The following ABL1 variants were observed in gnomAD, a reference collection of about 807,000 sequenced individuals.
ABL1 encodes tyrosine-protein kinase ABL1.
A neutral mutation model predicts 94.7 loss-of-function variants in ABL1; 11 were observed. That is an observed-to-expected ratio of 0.12 (90% CI 0.07 to 0.19). ABL1 has a LOEUF of 0.19. Ranked by LOEUF, ABL1 falls within the 10% of genes least tolerant of loss-of-function variation. The pLI is 1.00. For synonymous variants in ABL1, 656 were observed against 622.4 expected, an observed-to-expected ratio of 1.05 and a Z score of -0.80; for missense variants, 1,082 against 1,489.4, an observed-to-expected ratio of 0.73 and a Z score of 4.50.
At chr9:130,796,261 G>A (rs923349238) in intron 1 of ABL1, among the ~76,000 whole-genome samples, 3 of 152,192 alleles carry the variant, frequency 2.0e-5, no homozygotes, top group Non-Finnish European at 4.4e-5. Flanking sequence ...CATAGCTCAT[G>A]CCTATAATCC....
chr9:130,854,402 G>A (rs1222638060), intron 2 of ABL1, among the ~76,000 whole-genome samples, 165 bp downstream of exon 2: 4 of 152,188 alleles, frequency 2.6e-5, no homozygotes, highest in African/African-American at 9.7e-5. Context: ...ACTCTCCTTA[G>A]AGGAGTTCTT....
chr9:130,798,565 C>T (rs999412740), intron 1 of ABL1, among the ~76,000 whole-genome samples: 2 of 152,270 alleles, frequency 1.3e-5, no homozygotes, highest in Middle Eastern at 3.4e-3. Context: ...GGTTTCTCAT[C>T]TGGATGAAAT....
At chr9:130,744,528 C>G (rs974944907) in intron 1 of ABL1, among the ~76,000 whole-genome samples, 3 of 151,318 alleles carry the variant, frequency 2.0e-5, no homozygotes, top group African/African-American at 7.3e-5. Context: ...CTTTTATAAG[C>G]CAGAATTTGT....
chr9:130,750,422 TCCC>T (rs1564278784), intron 1 of ABL1, among the ~76,000 whole-genome samples: 26,045 of 76,704 alleles, frequency 0.34, 6,032 homozygotes, highest in East Asian at 0.66. Context: ...CCTCCCTCCC[TCCC>T]TCCCTCCCTC....
chr9:130,805,556 C>G (rs1192255920), intron 1 of ABL1, among the ~76,000 whole-genome samples: 1 of 151,952 alleles, frequency 6.6e-6, no homozygotes, highest in Admixed American at 6.6e-5. Context: ...CAAAGTTTCC[C>G]AAGAAAAGAG....
intron 1 of ABL1, among the ~76,000 whole-genome samples, chr9:130,783,815 C>T (rs1329606559): frequency 6.6e-6 from 1 of 152,066 alleles, no homozygotes; most frequent in Non-Finnish European, 1.5e-5. Context: ...ATCACCACGC[C>T]CAGCTAATTT....
At position 130,854,045 on chromosome 9, in the gene ABL1, T is replaced by G. The variant is rs1341670307; in HGVS notation, c.80-19T>G. On this transcript the variant is annotated intron_variant, in intron 1 of 10. Transcript: ENST00000318560. Reference sequence around the variant, plus strand: ...TTCTCTTCCTTTTTCTTTTTTCTGTTCCCCCCTTTCTCTTCCAGAAGCCCT... The same window carrying G: ...TTCTCTTCCTTTTTCTTTTTTCTGTGCCCCCCTTTCTCTTCCAGAAGCCCT... 6.4e-7 allele frequency: 1 copy of G among 1,569,834 alleles called. No individual in the cohort carries two copies. The highest frequency in any genetic ancestry group is 2.3e-5 in the East Asian group (1 of 44,406).
chr9:130,733,907 T>C (rs991942610), intron 1 of ABL1, among the ~76,000 whole-genome samples: 6 of 152,180 alleles, frequency 3.9e-5, no homozygotes, highest in African/African-American at 1.4e-4. Context: ...CACTTTCATA[T>C]ACTTTTTTGT....
At chr9:130,779,941 A>G (rs983571313) in intron 1 of ABL1, among the ~76,000 whole-genome samples, 4 of 152,164 alleles carry the variant, frequency 2.6e-5, no homozygotes, top group Non-Finnish European at 5.9e-5. Flanking sequence ...TTCAGGCACC[A>G]TGGATGCCTT....
intron 1 of ABL1, among the ~76,000 whole-genome samples, chr9:130,802,095 CTTT>C (rs3085157): frequency 2.7e-4 from 35 of 132,064 alleles, no homozygotes; most frequent in African/African-American, 1.0e-3. Flanking sequence ...TTCCTTCAGT[CTTT>C]TTTTTTTTTT....
At position 130,835,503 on chromosome 9, in the gene ABL1, G is replaced by C. The variant is rs373323350; in HGVS notation, c.57G>C (p.Ser19=). 2 of 1,561,664 alleles carry C rather than the reference G, an allele frequency of 1.3e-6. No individual in the cohort carries two copies. The highest frequency in any genetic ancestry group is 3.9e-5 in the Admixed American group (2 of 51,612). ...GCAAATCCAAGAAGGGGCTGTCCTC[G>C]TCCTCCAGCTGTTATCTGGAAGGTA... is the stretch of plus-strand genomic sequence containing the variant. The part of the protein sequence containing the change: ...VGCKSKKGLS[S]SSSCYLEEAL... Residue 19 remains serine, a synonymous_variant, in exon 1 of 11, where the codon TCG becomes TCC. Transcript: ENST00000318560. This position sits in a 1 kb window ranked among gnomAD's most constrained non-coding sequence, Gnocchi z 4.6.
At chr9:130,809,429 T>G (rs1370065904) in intron 1 of ABL1, among the ~76,000 whole-genome samples, 1 of 151,020 alleles carries the variant, frequency 6.6e-6, no homozygotes, top group African/African-American at 2.5e-5. Context: ...TGTGTGTGTG[T>G]GTGTGTGTGT....
intron 1 of ABL1, among the ~76,000 whole-genome samples, chr9:130,716,764 C>T (rs7028507): frequency 0.28 from 42,412 of 150,696 alleles, 8,603 homozygotes; most frequent in African/African-American, 0.54. Flanking sequence ...TTTTTTTCCT[C>T]TTCGGGGTAG....
chr9:130,744,683 T>G (rs1221797967), intron 1 of ABL1, among the ~76,000 whole-genome samples: 21 of 149,850 alleles, frequency 1.4e-4, no homozygotes, highest in African/African-American at 5.1e-4. Flanking sequence ...AAATGCCATC[T>G]CTACTAAAAA....
At position 130,880,374 on chromosome 9, in the gene ABL1, G is replaced by T. The variant is rs145125975; in HGVS notation, c.1514-126G>T. 8.2e-7 allele frequency: 1 copy of T among 1,213,064 alleles called. No homozygotes were observed. The highest frequency in any genetic ancestry group is 1.2e-6 in the Non-Finnish European group (1 of 861,310). 75.1% of individuals were successfully genotyped at this position (1,213,064 alleles called of 1,614,324 possible). ...TAAGGGCTGTTTCTCCGGTATCCAC[G>T]TGCCTTTTCTTTAGTTGTATGCAGA... On this transcript the variant is annotated intron_variant, in intron 9 of 10. Coordinates refer to ENST00000318560, the MANE Select transcript of ABL1 (RefSeq NM_005157.6). The surrounding 1 kb of genome is among the most constrained non-coding windows in gnomAD (Gnocchi z 4.4).
chr9:130,734,523 CTTT>C (rs1381752821), intron 1 of ABL1, among the ~76,000 whole-genome samples: 9 of 112,518 alleles, frequency 8.0e-5, no homozygotes, highest in Non-Finnish European at 1.1e-4. Context: ...CCTGAATCTT[CTTT>C]TTTTTTTTTT....
At chr9:130,878,088 C>T (rs1831383217) in intron 7 of ABL1, among the ~76,000 whole-genome samples, 2 of 152,194 alleles carry the variant, frequency 1.3e-5, no homozygotes, top group Non-Finnish European at 2.9e-5. Flanking sequence ...GCTGGGATTA[C>T]AGGTGTGAGC....
rs1221077295 is a variant in ABL1 at position 130,862,879 on chromosome 9, G to A, written c.666G>A (p.Lys222=). ...ATTATCCAGCCCCAAAGCGCAACAA[G>A]CCCACTGTCTATGGTGTGTCCCCCA... The part of the protein sequence containing the change: ...TLHYPAPKRN[K]PTVYGVSPNY... The change falls in exon 4 of 11, where the codon AAG becomes AAA. Residue 222 remains lysine, a synonymous_variant. Transcript: ENST00000318560. This position sits in a 1 kb window ranked among gnomAD's most constrained non-coding sequence, Gnocchi z 5.5. The A allele has an allele frequency of 9.3e-6, 15 of 1,614,034 alleles. No individual in the cohort carries two copies. Among genetic ancestry groups the A allele is most frequent in the African/African-American group, 1.3e-5 (1 of 74,912 alleles).
rs1336603476 is a variant in ABL1 at position 130,880,112 on chromosome 9, C to T, written c.1468C>T (p.His490Tyr). 6.2e-7 allele frequency: 1 copy of T among 1,614,186 alleles called. No individual in the cohort carries two copies. Among genetic ancestry groups the T allele is most frequent in the East Asian group, 2.2e-5 (1 of 44,870 alleles). ...PSDRPSFAEI[H>Y]QAFETMFQES... ...TGACCGGCCCTCCTTTGCTGAAATC[C>T]ACCAAGCCTTTGAAACAATGTTCCA... The change falls in exon 9 of 11, where the codon CAC becomes TAC. Residue 490 changes from histidine (H) to tyrosine (Y), a missense_variant. Around this residue, in one of 7 missense-constraint regions of ABL1, gnomAD observed 76 missense variants for 177.1 expected, o/e 0.43. Transcript: ENST00000318560. This position sits in a 1 kb window ranked among gnomAD's most constrained non-coding sequence, Gnocchi z 4.4.
Sources: gnomAD v4.1 joint callset for allele counts (sites outside exome capture counted in the v4.1 genomes callset) on GRCh38, gnomAD v4.1.1 for gene constraint, gnomAD v4.1.1 regional missense constraint, Gnocchi (gnomAD v3.1) non-coding constraint, MANE v1.5 for transcripts, NCBI Gene and HGNC (gene_info 2026-07-23, HGNC 2026-07-21) for gene names.